Variants in PIK3R3 observed in about 807,000 individuals in gnomAD.
PIK3R3 encodes phosphoinositide-3-kinase regulatory subunit 3.
PIK3R3 carries 64 observed loss-of-function variants against 62.9 expected under a neutral mutation model. That is an observed-to-expected ratio of 1.02 (90% CI 0.83 to 1.25). PIK3R3 has a LOEUF of 1.25. Ranked by LOEUF, PIK3R3 falls within the 50% of genes most tolerant of loss-of-function variation. The pLI is 0.00. For synonymous variants in PIK3R3, 165 were observed against 189.0 expected, an observed-to-expected ratio of 0.87 and a Z score of 1.04; for missense variants, 614 against 561.6, an observed-to-expected ratio of 1.09 and a Z score of -0.94.
At chr1:46,132,738 G>T, upstream of PIK3R3, 1 of 1,287,822 alleles carries the variant, frequency 7.8e-7, no homozygotes, top group Non-Finnish European at 1.0e-6. Context: ...AGGGGGGACA[G>T]CAGGCATCAC....
At chr1:46,134,434 A>T (rs1655854479), upstream of PIK3R3, 3 of 152,234 alleles carry the variant, frequency 2.0e-5, no homozygotes, top group Admixed American at 2.0e-4. Context: ...AGACACCAGG[A>T]TTCTTATATG....
At chr1:46,072,695 A>C (rs915910642) in intron 3 of PIK3R3, among the ~76,000 whole-genome samples, 1 of 152,142 alleles carries the variant, frequency 6.6e-6, no homozygotes, top group African/African-American at 2.4e-5. Flanking sequence ...TCATGCCTGT[A>C]ATCCCAGGAC....
intron 1 of PIK3R3, among the ~76,000 whole-genome samples, chr1:46,124,863 C>T (rs940850955): frequency 2.5e-4 from 37 of 150,784 alleles, no homozygotes; most frequent in East Asian, 5.8e-4. Flanking sequence ...TTTGGGAGGC[C>T]GAGGCGGGTG....
intron 1 of PIK3R3, among the ~76,000 whole-genome samples, chr1:46,088,750 C>T (rs1194468737): frequency 2.6e-5 from 4 of 151,938 alleles, no homozygotes. Flanking sequence ...GAAGGACACA[C>T]ATTTCCTGAA....
chr1:46,139,696 A>G, the PIK3R3 span, among the ~76,000 whole-genome samples: 1 of 152,054 alleles, frequency 6.6e-6, no homozygotes, highest in Non-Finnish European at 1.5e-5. Flanking sequence ...TTCCTCTTCA[A>G]CAGCCTTACA....
upstream of PIK3R3, among the ~76,000 whole-genome samples, chr1:46,134,963 A>G (rs1201122594): frequency 6.6e-6 from 1 of 152,172 alleles, no homozygotes; most frequent in Non-Finnish European, 1.5e-5. Context: ...GTATGACCCA[A>G]CTCTCCAACT....
intron 7 of PIK3R3, among the ~76,000 whole-genome samples, chr1:46,053,906 C>A (rs942294565): frequency 6.6e-6 from 1 of 152,118 alleles, no homozygotes; most frequent in Non-Finnish European, 1.5e-5. Flanking sequence ...ACCAGAACCA[C>A]GTGAGCATTC....
intron 6 of PIK3R3, among the ~76,000 whole-genome samples, chr1:46,060,423 G>A (rs1571380877): frequency 6.6e-6 from 1 of 152,228 alleles, no homozygotes; most frequent in East Asian, 1.9e-4. Flanking sequence ...CCAGGAGACA[G>A]AGGTTGCAGT....
chr1:46,138,490 GTC>G, the PIK3R3 span, among the ~76,000 whole-genome samples: 69,951 of 151,742 alleles, frequency 0.46, 16,319 homozygotes, highest in East Asian at 0.65. Flanking sequence ...GGAGATCCCT[GTC>G]TCTACAAAAT....
At chr1:46,049,056 G>A (rs1469191818) in intron 7 of PIK3R3, among the ~76,000 whole-genome samples, 1 of 151,896 alleles carries the variant, frequency 6.6e-6, no homozygotes, top group African/African-American at 2.4e-5. Flanking sequence ...TTCTGTTGGT[G>A]TGGTAATTGG....
the PIK3R3 span, among the ~76,000 whole-genome samples, chr1:46,143,995 A>G: frequency 2.0e-5 from 3 of 152,026 alleles, no homozygotes; most frequent in Non-Finnish European, 4.4e-5. Flanking sequence ...ACTTTTTAGT[A>G]CCTCTGGCCA....
intron 1 of PIK3R3, among the ~76,000 whole-genome samples, chr1:46,101,524 A>C (rs557802916): frequency 1.3e-5 from 2 of 152,244 alleles, no homozygotes; most frequent in Admixed American, 1.3e-4. Context: ...ACAAACAACA[A>C]CACAAAAAAA....
chr1:46,088,880 A>G lies in PIK3R3; in HGVS notation c.107-8130T>C, dbSNP rs556205715. 2.1e-3 allele frequency among the ~76,000 whole-genome samples: 277 copies of G among 130,942 alleles called. 1 individual carries two copies. Among genetic ancestry groups the G allele is most frequent in the African/African-American group, 3.9e-3 (119 of 30,172 alleles). The allele number at this position is 130,942 out of a possible 152,430, so 85.9% of individuals were successfully genotyped here. ...AGGTCCTAAAATCTATCACAAGGGG[A>G]AAAAAAAAAAAAAAGGTCACAAAGG... On this transcript the variant is annotated intron_variant, in intron 1 of 9. Transcript: ENST00000262741.
chr1:46,087,518 A>G (rs1433385592), intron 1 of PIK3R3, among the ~76,000 whole-genome samples: 1 of 151,884 alleles, frequency 6.6e-6, no homozygotes, highest in Non-Finnish European at 1.5e-5. Context: ...TTTTTTCCAC[A>G]GAAACTGACA....
At chr1:46,162,905 G>A in the PIK3R3 span, among the ~76,000 whole-genome samples, 8 of 152,198 alleles carry the variant, frequency 5.3e-5, no homozygotes, top group African/African-American at 9.6e-5. Context: ...TTACAGGCAC[G>A]AGCCACCATG....
intron 3 of PIK3R3, among the ~76,000 whole-genome samples, chr1:46,076,389 G>T (rs1650064346): frequency 6.6e-6 from 1 of 152,194 alleles, no homozygotes; most frequent in South Asian, 2.1e-4. Context: ...CTTCTAAGAA[G>T]AAGTGTCTAT....
intron 1 of PIK3R3, among the ~76,000 whole-genome samples, chr1:46,093,227 A>G (rs1442865255): frequency 1.3e-5 from 2 of 152,222 alleles, no homozygotes; most frequent in Non-Finnish European, 2.9e-5. Context: ...AGTATCCTAG[A>G]GATCATAAAC....
intron 6 of PIK3R3, chr1:46,056,769 A>G (rs1647961629): frequency 6.6e-6 from 1 of 152,268 alleles, no homozygotes; most frequent in East Asian, 1.9e-4. Flanking sequence ...AAAATACAAC[A>G]TGAGAGAGAA....
At position 46,132,065 on chromosome 1, in the gene PIK3R3, C is replaced by T. The variant is rs180987394; in HGVS notation, c.-113G>A. ...AAAAGTTCCACACGGAAATGTACTT[C>T]GGGTTTTCCAACGGCCAGTACCAGT... On this transcript the variant is annotated 5_prime_UTR_variant, in exon 1 of 10. Coordinates refer to ENST00000262741, the MANE Select transcript of PIK3R3 (RefSeq NM_003629.4). 626 of 1,475,208 alleles carry T rather than the reference C, an allele frequency of 4.2e-4. 4 individuals carry two copies. The African/African-American group carries it at 8.2e-3, about 19-fold the overall frequency. 91.4% of individuals were successfully genotyped at this position (1,475,208 alleles called of 1,614,324 possible). A position where few individuals can be genotyped will look rare whatever the true frequency, so the allele number is the denominator to read the frequency against.
Sources: gnomAD v4.1 joint callset for allele counts (sites outside exome capture counted in the v4.1 genomes callset) on GRCh38, gnomAD v4.1.1 for gene constraint, MANE v1.5 for transcripts, NCBI Gene and HGNC (gene_info 2026-07-23, HGNC 2026-07-21) for gene names.